Variants in MTFR2 observed in about 807,000 individuals in gnomAD.
MTFR2 encodes the protein mitochondrial fission regulator 2.
Under a neutral mutation model 41.2 loss-of-function variants are expected in MTFR2, and 44 were observed. The ratio of observed to expected loss-of-function variants is 1.07; its 90% confidence interval spans 0.84 to 1.37. MTFR2 has a LOEUF of 1.37. Ranked by LOEUF, MTFR2 falls within the 40% of genes most tolerant of loss-of-function variation. The pLI, the probability that MTFR2 is intolerant of heterozygous loss-of-function variation, is 0.00. For missense variants in MTFR2, 452 were observed against 459.5 expected (o/e 0.98, Z 0.15); for synonymous variants, 141 against 154.6 (o/e 0.91, Z 0.65).
chr6:136,231,529 T>C (rs1562205196), intron 7 of MTFR2, 141 bp from the exon 8 acceptor site: 1 of 606,678 alleles, frequency 1.6e-6, no homozygotes, highest in Non-Finnish European at 2.9e-6. Flanking sequence ...TACATAGTTA[T>C]TTGGCTATGT....
intron 2 of MTFR2, among the ~76,000 whole-genome samples, chr6:136,247,106 T>A (rs1418541671): frequency 6.6e-6 from 1 of 152,174 alleles, no homozygotes; most frequent in Non-Finnish European, 1.5e-5. Context: ...TCCCAGCACT[T>A]CGGAAGGCCA....
At chr6:136,232,902 A>G (rs1562205881) in intron 7 of MTFR2, among the ~76,000 whole-genome samples, 3 of 152,210 alleles carry the variant, frequency 2.0e-5, no homozygotes, top group South Asian at 4.1e-4. Context: ...AGTTAACATT[A>G]TATTCAACAA....
rs772980870 is a variant in MTFR2 at position 136,233,374 on chromosome 6, T to G, written c.995A>C (p.Glu332Ala). ...AFQEDDSFEK[E>A]NRSWESSPFS... ...TGGGGAAGATTCCCAAGATCTATTC[T>G]CTTTCTCAAAAGAATCATCTTCTTG... The change falls in exon 7 of 8, where the codon GAG becomes GCG. Residue 332 changes from glutamate (E) to alanine (A), a missense_variant. Physicochemically the swap from Glu to Ala is moderately radical, Grantham distance 107. Transcript: ENST00000420702. The G allele has an allele frequency of 1.2e-6, 2 of 1,612,564 alleles. No individual in the cohort carries two copies. Among genetic ancestry groups the G allele is most frequent in the Non-Finnish European group, 1.7e-6 (2 of 1,179,110 alleles).
At chr6:136,246,717 A>G (rs1780221173) in intron 2 of MTFR2, among the ~76,000 whole-genome samples, 1 of 152,086 alleles carries the variant, frequency 6.6e-6, no homozygotes, top group East Asian at 2.0e-4. Context: ...CCACTCAAAA[A>G]TGGTTCATTC....
In MTFR2 at chr6:136,239,476, C is replaced by G; in HGVS notation, c.859G>C (p.Ala287Pro). Residue 287 changes from alanine to proline, a missense_variant, in exon 6 of 8, where the codon GCA becomes CCA. Coordinates refer to ENST00000420702, the MANE Select transcript of MTFR2 (RefSeq NM_001099286.3). The part of the protein sequence containing the change: ...LKDMNKVKLR[A>P]IERSPGGRPI... ...ATTACAACAACATACCGCTCAATTG[C>G]ACGAAGCTTAACCTTATTCATATCC... 6.3e-7 allele frequency: 1 copy of G among 1,594,784 alleles called. No homozygotes were observed. Among genetic ancestry groups the G allele is most frequent in the Non-Finnish European group, 8.6e-7 (1 of 1,166,380 alleles).
intron 5 of MTFR2, 114 bp downstream of exon 5, chr6:136,241,330 G>A (rs1398562120): frequency 2.1e-5 from 16 of 747,508 alleles, no homozygotes; most frequent in South Asian, 3.8e-5. Context: ...AATACTAGAT[G>A]TTCCTGTATG....
intron 7 of MTFR2, 40 bp from the exon 8 acceptor site, chr6:136,231,428 T>C (rs1175248608): frequency 3.9e-6 from 5 of 1,294,898 alleles, no homozygotes; most frequent in Non-Finnish European, 5.4e-6. Flanking sequence ...ATTATTCTAA[T>C]GTCAAAAAAA....
In MTFR2 at chr6:136,241,666, A is replaced by G; in HGVS notation, c.292T>C (p.Trp98Arg). ...ASYLRFRNSI[W>R]KNEEEKVEIF... ...TCCACTTTCTCTTCTTCATTTTTCC[A>G]TATACTATTTCTGTGGGTGAAAAAA... The change falls in exon 5 of 8, where the codon TGG becomes CGG. Residue 98 changes from tryptophan to arginine, a missense_variant. Trp to Arg is a moderately radical substitution (Grantham distance 101, BLOSUM62 -3). Transcript: ENST00000420702. 3 of 1,610,120 alleles carry G rather than the reference A, an allele frequency of 1.9e-6. No individual in the cohort carries two copies. Among genetic ancestry groups the G allele is most frequent in the African/African-American group, 1.3e-5 (1 of 74,644 alleles).
Position 136,238,705 on chromosome 6 carries a change from CACAT to C in MTFR2, c.869+757_869+760del, listed in dbSNP as rs199991546. ...ACACACACACACACACACACACACA[CACAT>C]GGAACTCAGAGAGGCAATTATTAAC... On this transcript the variant is annotated intron_variant, in intron 6 of 7. Transcript: ENST00000420702. 1.1e-3 allele frequency among the ~76,000 whole-genome samples: 170 copies of C among 151,580 alleles called. 1 individual carries two copies. The highest frequency in any genetic ancestry group is 2.8e-3 in the African/African-American group (116 of 41,176).
At chr6:136,241,732 G>A (rs1369088918) in intron 4 of MTFR2, 56 bp from the exon 5 acceptor site, 3 of 1,281,156 alleles carry the variant, frequency 2.3e-6, no homozygotes, top group Non-Finnish European at 3.3e-6. Context: ...ATCAAAAGAG[G>A]TATAAACTCT....
chr6:136,244,070 A>C (rs1780153921), intron 3 of MTFR2, among the ~76,000 whole-genome samples: 1 of 152,188 alleles, frequency 6.6e-6, no homozygotes, highest in Non-Finnish European at 1.5e-5. Context: ...AAAGAGTCAA[A>C]AATTTTTACA....
At chr6:136,244,495 G>A (rs1046088903) in intron 3 of MTFR2, among the ~76,000 whole-genome samples, 7 of 152,142 alleles carry the variant, frequency 4.6e-5, no homozygotes, top group Non-Finnish European at 1.0e-4. Context: ...CTAGGTTTGT[G>A]CCAGTACACT....
rs778696548 is a variant in MTFR2 at position 136,241,430 on chromosome 6, C to T, written c.514+14G>A. 11 of 1,597,222 alleles carry T rather than the reference C, an allele frequency of 6.9e-6. No individual in the cohort carries two copies. The highest frequency in any genetic ancestry group is 1.3e-5 in the African/African-American group (1 of 74,586). On this transcript the variant is annotated intron_variant, in intron 5 of 7. Transcript: ENST00000420702. ...GTATCATCTAACTGAAACAAAAATC[C>T]TACTGTTACTTACTAGAATTTGTAC...
At chr6:136,237,774 C>T (rs1396319683) in intron 6 of MTFR2, among the ~76,000 whole-genome samples, 2 of 151,884 alleles carry the variant, frequency 1.3e-5, no homozygotes, top group African/African-American at 4.8e-5. Context: ...CAAGATCATG[C>T]CACTGCACTC....
chr6:136,234,837 T>C (rs1389001190), intron 6 of MTFR2, among the ~76,000 whole-genome samples: 1 of 152,220 alleles, frequency 6.6e-6, no homozygotes, highest in African/African-American at 2.4e-5. Flanking sequence ...AATTGAGCTA[T>C]GTGCTGATGG....
chr6:136,241,015 C>T (rs1384291463), intron 5 of MTFR2, among the ~76,000 whole-genome samples: 5 of 147,318 alleles, frequency 3.4e-5, no homozygotes, highest in African/African-American at 1.3e-4. Flanking sequence ...GGCGTGAACC[C>T]GGGAGGTGGA....
At chr6:136,248,820 C>A in intron 2 of MTFR2, 2 of 497,762 alleles carry the variant, frequency 4.0e-6, no homozygotes, top group Non-Finnish European at 6.9e-6. Flanking sequence ...TTTGTATCTT[C>A]TGTTGGCATT....
intron 6 of MTFR2, among the ~76,000 whole-genome samples, chr6:136,238,707 CAT>C (rs765098552): frequency 0.014 from 2,159 of 150,616 alleles, 44 homozygotes; most frequent in African/African-American, 0.046. Flanking sequence ...CACACACACA[CAT>C]GGAACTCAGA....
intron 6 of MTFR2, among the ~76,000 whole-genome samples, chr6:136,237,294 C>A (rs1779931667): frequency 6.6e-6 from 1 of 152,166 alleles, no homozygotes; most frequent in Non-Finnish European, 1.5e-5. Context: ...CTTTTCCTTG[C>A]CTCATTTTAA....
Sources: allele counts gnomAD v4.1 joint callset (sites outside exome capture counted in the v4.1 genomes callset), GRCh38; gene constraint gnomAD v4.1.1; transcripts MANE v1.5; gene names NCBI Gene and HGNC (gene_info 2026-07-23, HGNC 2026-07-21).